Variants in SEPTIN9 observed in about 807,000 individuals in gnomAD.
The protein encoded by SEPTIN9 is septin 9.
In SEPTIN9, 13 loss-of-function variants were observed where a neutral mutation model predicts 56.6. The observed-to-expected ratio is 0.23, with a 90% CI of 0.15 to 0.37. The LOEUF is 0.37. Among genes scored for constraint, SEPTIN9 ranks in the 10% least tolerant of loss-of-function variants. The pLI is 1.00. For missense variants in SEPTIN9, 650 were observed against 823.1 expected (o/e 0.79, Z 2.57); for synonymous variants, 332 against 334.1 (o/e 0.99, Z 0.07).
chr17:77,456,411 T>C lies in SEPTIN9; in HGVS notation c.722-25733T>C, dbSNP rs2038205583. On this transcript the variant is annotated intron_variant, in intron 3 of 11. Transcript: ENST00000427177. This position sits in a 1 kb window ranked among gnomAD's most constrained non-coding sequence, Gnocchi z 6.0. Reference sequence around the variant, plus strand: ...ACAGAGTGGAGGAAGGTGCCGTGGCTAGGGCAGGCCACACGCTGTGCTAAT... The same window carrying C: ...ACAGAGTGGAGGAAGGTGCCGTGGCCAGGGCAGGCCACACGCTGTGCTAAT... The C allele has an allele frequency of 6.6e-6, 1 of 152,346 alleles. No homozygotes were observed. Among genetic ancestry groups the C allele is most frequent in the African/African-American group, 2.4e-5 (1 of 41,424 alleles). The allele number at this position is 152,346 out of a possible 1,614,324, so 9.4% of individuals were successfully genotyped here.
At position 77,363,379 on chromosome 17, in the gene SEPTIN9, C is replaced by CTTTTT. The variant is rs34313886; in HGVS notation, c.77-38658_77-38654dup. Among the ~76,000 whole-genome samples the CTTTTT allele has an allele frequency of 1.7e-3, 113 of 66,620 alleles. 31 individuals carry two copies. The highest frequency in any genetic ancestry group is 4.4e-3 in the African/African-American group (70 of 16,086). The allele number at this position is 66,620 out of a possible 152,430, so 43.7% of individuals were successfully genotyped here. A position where few individuals can be genotyped will look rare whatever the true frequency, so the allele number is the denominator to read the frequency against. On this transcript the variant is annotated intron_variant, in intron 2 of 11. Coordinates refer to ENST00000427177, the MANE Select transcript of SEPTIN9 (RefSeq NM_001113491.2). ...CTGGCTCTCCAGGCCTTGGGCCTGT[C>CTTTTT]TTTTTTTTTTTTTTTTTTTTTTTTT...
rs1352934106 is a variant in SEPTIN9 at position 77,437,477 on chromosome 17, C to T, written c.721+34774C>T. On this transcript the variant is annotated intron_variant, in intron 3 of 11. Coordinates refer to ENST00000427177, the MANE Select transcript of SEPTIN9 (RefSeq NM_001113491.2). The surrounding 1 kb of genome is among the most constrained non-coding windows in gnomAD (Gnocchi z 5.3). ...CTCTCACGGAGAAGCCAGGGGATGG[C>T]TCTCAGTACTCTCGGGGGTCTCTCA... 1.3e-5 allele frequency among the ~76,000 whole-genome samples: 2 copies of T among 152,022 alleles called. No homozygotes were observed. The highest frequency in any genetic ancestry group is 2.4e-5 in the African/African-American group (1 of 41,382).
chr17:77,428,018 A>G (rs1423941218), intron 3 of SEPTIN9, among the ~76,000 whole-genome samples: 2 of 152,174 alleles, frequency 1.3e-5, no homozygotes, highest in African/African-American at 4.8e-5. Context: ...GCACCACGTA[A>G]CTAGCCTTTG....
Position 77,402,755 on chromosome 17 carries a change from T to C in SEPTIN9, c.721+52T>C. Reference sequence around the variant, plus strand: ...ATGCTGTGGTAATGGGGGGCCTGGTTGCTGGCTTTGCCACAGAATCTTGGA... The same window carrying C: ...ATGCTGTGGTAATGGGGGGCCTGGTCGCTGGCTTTGCCACAGAATCTTGGA... On this transcript the variant is annotated intron_variant, in intron 3 of 11. Coordinates refer to ENST00000427177, the MANE Select transcript of SEPTIN9 (RefSeq NM_001113491.2). This position sits in a 1 kb window ranked among gnomAD's most constrained non-coding sequence, Gnocchi z 6.6. The C allele has an allele frequency of 6.7e-7, 1 of 1,498,822 alleles. No individual in the cohort carries two copies. Among genetic ancestry groups the C allele is most frequent in the African/African-American group, 1.4e-5 (1 of 71,446 alleles). The allele number at this position is 1,498,822 out of a possible 1,614,324, so 92.8% of individuals were successfully genotyped here.
intron 3 of SEPTIN9, among the ~76,000 whole-genome samples, chr17:77,470,298 C>T (rs1269517351): frequency 6.6e-6 from 1 of 151,830 alleles, no homozygotes; most frequent in African/African-American, 2.4e-5. Context: ...ATCTACTCAC[C>T]CACCCATCCA....
chr17:77,285,044 T>C (rs934442132), intron 1 of SEPTIN9, among the ~76,000 whole-genome samples: 1 of 152,194 alleles, frequency 6.6e-6, no homozygotes, highest in Non-Finnish European at 1.5e-5. Flanking sequence ...ATGATCATGA[T>C]TGTCATTGAC....
chr17:77,387,014 C>G (rs1046277899), intron 2 of SEPTIN9, among the ~76,000 whole-genome samples: 4 of 152,170 alleles, frequency 2.6e-5, no homozygotes, highest in African/African-American at 9.7e-5. Context: ...CCTGAAAGTC[C>G]CAGGGTCAGT....
intron 3 of SEPTIN9, among the ~76,000 whole-genome samples, chr17:77,409,841 G>A (rs1048783636): frequency 8.5e-5 from 13 of 152,344 alleles, no homozygotes; most frequent in African/African-American, 2.6e-4. Flanking sequence ...AGCCCTGGAG[G>A]AGCGCACTCA....
intron 2 of SEPTIN9, among the ~76,000 whole-genome samples, chr17:77,333,027 G>C (rs1286997631): frequency 1.3e-5 from 2 of 152,140 alleles, no homozygotes; most frequent in African/African-American, 4.8e-5. Context: ...AGTTTTATAA[G>C]AAACTGCCAG....
At chr17:77,428,890 CA>C (rs2037015787) in intron 3 of SEPTIN9, 1 of 413,672 alleles carries the variant, frequency 2.4e-6, no homozygotes, top group African/African-American at 2.1e-5. Flanking sequence ...GAATTTGCCT[CA>C]TCGTATGTAA....
In SEPTIN9 at chr17:77,314,000, G is replaced by T. The variant is rs111732739; in HGVS notation, c.76+6803G>T. ...GGATCACTTGAGCTCAGGTGCTCCA[G>T]ACCAGCCTGGGCAACATGACGAGAC... On this transcript the variant is annotated intron_variant, in intron 2 of 11. Coordinates refer to ENST00000427177, the MANE Select transcript of SEPTIN9 (RefSeq NM_001113491.2). This position sits in a 1 kb window ranked among gnomAD's most constrained non-coding sequence, Gnocchi z 4.5. Among the ~76,000 whole-genome samples the T allele has an allele frequency of 0.027, 4,183 of 152,140 alleles. 150 individuals are homozygous for T. Among genetic ancestry groups the T allele is most frequent in the African/African-American group, 0.088 (3,648 of 41,488 alleles).
rs1482756128 is a variant in SEPTIN9 at position 77,389,506 on chromosome 17, T to C, written c.77-12553T>C. ...CTTTGAGGCCCTCAGAGCTGCAGCCTGTGGTTTTTCGAAGTCAATCACCTC... is the reference window on the plus strand; with the variant it reads ...CTTTGAGGCCCTCAGAGCTGCAGCCCGTGGTTTTTCGAAGTCAATCACCTC... On this transcript the variant is annotated intron_variant, in intron 2 of 11. Transcript: ENST00000427177. This position sits in a 1 kb window ranked among gnomAD's most constrained non-coding sequence, Gnocchi z 4.3. 6.6e-6 allele frequency among the ~76,000 whole-genome samples: 1 copy of C among 152,116 alleles called. No individual in the cohort carries two copies. The highest frequency in any genetic ancestry group is 2.4e-5 in the African/African-American group (1 of 41,424).
At position 77,319,749 on chromosome 17, in the gene SEPTIN9, G is replaced by A; in HGVS notation, c.76+12552G>A. 1 of 1,071,402 alleles carries A rather than the reference G, an allele frequency of 9.3e-7. No individual in the cohort carries two copies. The highest frequency in any genetic ancestry group is 1.1e-6 in the Non-Finnish European group (1 of 882,434). 66.4% of individuals were successfully genotyped at this position (1,071,402 alleles called of 1,614,324 possible). ...AACCCTTAAGCCCAAGGAAATCGTA[G>A]CATCGCGGGACAGGGAAAATGAAAG... On this transcript the variant is annotated intron_variant, in intron 2 of 11. Transcript: ENST00000427177. The surrounding 1 kb of genome is among the most constrained non-coding windows in gnomAD (Gnocchi z 5.3).
chr17:77,484,985 ATTGTGATGG>A (rs1402706377), intron 4 of SEPTIN9, among the ~76,000 whole-genome samples: 1 of 41,238 alleles, frequency 2.4e-5, no homozygotes, highest in Non-Finnish European at 4.2e-5. Context: ...GATGGTGGTG[ATTGTGATGG>A]TGGTGAAGGG....
intron 2 of SEPTIN9, among the ~76,000 whole-genome samples, chr17:77,397,587 A>G (rs975040641): frequency 6.6e-6 from 1 of 152,098 alleles, no homozygotes; most frequent in Non-Finnish European, 1.5e-5. Flanking sequence ...ATGGGGGTGA[A>G]GGTCTAGTGC....
At chr17:77,396,584 A>G (rs1183236173) in intron 2 of SEPTIN9, among the ~76,000 whole-genome samples, 1 of 152,028 alleles carries the variant, frequency 6.6e-6, no homozygotes, top group East Asian at 1.9e-4. Flanking sequence ...AGGCCTGCAC[A>G]TTGGGAAGAG....
intron 3 of SEPTIN9, 51 bp from the exon 4 acceptor site, chr17:77,482,093 C>T (rs2039478010): frequency 1.3e-6 from 2 of 1,491,568 alleles, no homozygotes; most frequent in African/African-American, 2.8e-5. Context: ...TGGCAGGCGC[C>T]TGTGTGTGAG....
At chr17:77,373,808 C>T (rs921554322) in intron 2 of SEPTIN9, 2 of 529,310 alleles carry the variant, frequency 3.8e-6, no homozygotes, top group African/African-American at 2.0e-5. Context: ...TCGTTCTGCG[C>T]ACTGCCGCCT....
intron 2 of SEPTIN9, among the ~76,000 whole-genome samples, chr17:77,360,713 C>T (rs991927424): frequency 3.3e-5 from 5 of 152,046 alleles, no homozygotes; most frequent in Admixed American, 6.6e-5. Flanking sequence ...TACAGGCGCC[C>T]GCCACCACAC....
Sources: allele counts gnomAD v4.1 joint callset (sites outside exome capture counted in the v4.1 genomes callset), GRCh38; gene constraint gnomAD v4.1.1; non-coding constraint Gnocchi (gnomAD v3.1); transcripts MANE v1.5; gene names NCBI Gene and HGNC (gene_info 2026-07-23, HGNC 2026-07-21).